SEMA4D: variants seen among roughly 807,000 people sequenced by gnomAD.
SEMA4D encodes the protein semaphorin 4D.
Under a neutral mutation model 74.8 loss-of-function variants are expected in SEMA4D, and 22 were observed. The ratio of observed to expected loss-of-function variants is 0.29; its 90% CI spans 0.21 to 0.42. SEMA4D has a LOEUF of 0.42. Ranked by LOEUF, SEMA4D falls within the 10% of genes least tolerant of loss-of-function variation. The pLI is 1.00. For missense variants in SEMA4D, 937 were observed against 1,118.4 expected (o/e 0.84, Z 2.31); for synonymous variants, 445 against 463.7 (o/e 0.96, Z 0.52).
chr9:89,465,265 C>T (rs893175598), intron 1 of SEMA4D, among the ~76,000 whole-genome samples: 1 of 152,144 alleles, frequency 6.6e-6, no homozygotes, highest in African/African-American at 2.4e-5. Flanking sequence ...GGCCTAAGTC[C>T]CCAGGAAACC....
rs200641127 is a variant in SEMA4D, at chr9:89,453,654, A to AC, written c.-244+2233dup. 5.4e-3 allele frequency among the ~76,000 whole-genome samples: 815 copies of AC among 152,260 alleles called. 9 individuals carry two copies. Among genetic ancestry groups the AC allele is most frequent in the African/African-American group, 0.018 (737 of 41,538 alleles). On this transcript the variant is annotated intron_variant, in intron 2 of 15. Transcript: ENST00000422704. ...CTCGCTGGGTGGACACACAGCCCTGACGGTCAGGTTCCTGTGGTGGCCGTG... is the reference window on the plus strand; with the variant it reads ...CTCGCTGGGTGGACACACAGCCCTGACCGGTCAGGTTCCTGTGGTGGCCGTG...
intron 2 of SEMA4D, among the ~76,000 whole-genome samples, chr9:89,423,444 C>A (rs895087665): frequency 6.6e-6 from 1 of 152,140 alleles, no homozygotes; most frequent in African/African-American, 2.4e-5. Flanking sequence ...TCCACCTCGG[C>A]CTCTCAAAGT....
At chr9:89,396,495 C>A (rs548154506) in intron 6 of SEMA4D, among the ~76,000 whole-genome samples, 2 of 152,260 alleles carry the variant, frequency 1.3e-5, no homozygotes, top group Non-Finnish European at 2.9e-5. Context: ...AGCTGCACCC[C>A]AGGCCTCACC....
chr9:89,372,217 G>A (rs1247136443), intron 16 of SEMA4D, among the ~76,000 whole-genome samples: 1 of 102,176 alleles, frequency 9.8e-6, no homozygotes, highest in African/African-American at 4.0e-5. Flanking sequence ...TGTCTGGGGG[G>A]TGTGGTGTGT....
chr9:89,410,175 G>A (rs1296915428), intron 2 of SEMA4D, among the ~76,000 whole-genome samples: 2 of 152,218 alleles, frequency 1.3e-5, no homozygotes, highest in African/African-American at 4.8e-5. Context: ...TGATGCCGCT[G>A]AACTGGGGAG....
chr9:89,443,740 G>A (rs1227816546), intron 2 of SEMA4D, among the ~76,000 whole-genome samples: 1 of 152,230 alleles, frequency 6.6e-6, no homozygotes, highest in African/African-American at 2.4e-5. Flanking sequence ...TCCACAGCAT[G>A]GGTGGGGCTG....
chr9:89,385,101 G>A (rs1277019991), intron 13 of SEMA4D: 31 of 964,734 alleles, frequency 3.2e-5, no homozygotes, highest in Non-Finnish European at 3.7e-5. Context: ...GCCCTGGTGT[G>A]GCCATGTGAC....
intron 2 of SEMA4D, among the ~76,000 whole-genome samples, chr9:89,431,869 G>A (rs1849342539): frequency 1.3e-5 from 2 of 152,124 alleles, no homozygotes; most frequent in Admixed American, 1.3e-4. Flanking sequence ...GCACATTCCC[G>A]CCTCCTCAAG....
At chr9:89,415,389 C>A (rs565890146) in intron 2 of SEMA4D, among the ~76,000 whole-genome samples, 5 of 152,140 alleles carry the variant, frequency 3.3e-5, no homozygotes, top group Non-Finnish European at 7.4e-5. Flanking sequence ...GTTAACCCTG[C>A]GGCCCTAAAG....
downstream of SEMA4D, chr9:89,377,124 A>T: frequency 2.7e-6 from 4 of 1,464,338 alleles, no homozygotes; most frequent in South Asian, 4.3e-5. Context: ...CAGGCCAGAG[A>T]GGGCAAAACA....
At chr9:89,371,761 TGTGG>T (rs1834910349) in intron 16 of SEMA4D, among the ~76,000 whole-genome samples, 2 of 69,328 alleles carry the variant, frequency 2.9e-5, no homozygotes, top group Admixed American at 1.8e-4. Context: ...GTGGTGTGTG[TGTGG>T]GGGGTGTGGT....
intron 2 of SEMA4D, chr9:89,450,692 TC>T: frequency 1.7e-6 from 1 of 582,836 alleles, no homozygotes; most frequent in Non-Finnish European, 2.8e-6. Context: ...AAAAAAGGCC[TC>T]CAAGACTGCA....
At chr9:89,389,143 C>T (rs537721490) in intron 9 of SEMA4D, 96 bp from the exon 10 acceptor site, 17 of 1,322,232 alleles carry the variant, frequency 1.3e-5, no homozygotes, top group African/African-American at 5.8e-5. Context: ...CCCAGCACAG[C>T]GCGGCTGTGC....
chr9:89,366,302 T>G (rs1445154976), intron 16 of SEMA4D, among the ~76,000 whole-genome samples: 1 of 152,216 alleles, frequency 6.6e-6, no homozygotes, highest in Non-Finnish European at 1.5e-5. Flanking sequence ...TGTTTAAATT[T>G]TTTCTTTATA....
At chr9:89,371,462 T>TA (rs1834761588) in intron 16 of SEMA4D, among the ~76,000 whole-genome samples, 1 of 84,524 alleles carries the variant, frequency 1.2e-5, no homozygotes, top group African/African-American at 4.6e-5. Flanking sequence ...GTCTGGGGTG[T>TA]GTGTGTGGGG....
Position 89,379,138 on chromosome 9 carries a change from G to T in SEMA4D, c.2155C>A (p.Gln719Lys). 2 of 1,614,202 alleles carry T rather than the reference G, an allele frequency of 1.2e-6. No individual in the cohort carries two copies. The highest frequency in any genetic ancestry group is 1.7e-6 in the Non-Finnish European group (2 of 1,180,044). ...TACATGGTTTTCTCCGAGTGGAGCT[G>T]GGGGACCGTGTTGATGACGATCTTT... ...EPKIVINTVPQLHSEKTMYLK... is the reference protein window; with the variant it reads ...EPKIVINTVPKLHSEKTMYLK... The change falls in exon 16 of 16, where the codon CAG becomes AAG. Residue 719 changes from glutamine (Q) to lysine (K), a missense_variant. By Grantham distance (53) the Gln-to-Lys change is moderately conservative. Transcript: ENST00000422704.
chr9:89,365,297 G>A (rs1315596176), intron 16 of SEMA4D: 1 of 152,374 alleles, frequency 6.6e-6, no homozygotes, highest in African/African-American at 2.4e-5. Context: ...TGGGGCTGGG[G>A]AGGCCGGCCA....
intron 13 of SEMA4D, among the ~76,000 whole-genome samples, chr9:89,384,289 G>A (rs116938518): frequency 1.5e-3 from 236 of 152,284 alleles, no homozygotes; most frequent in Non-Finnish European, 2.6e-3. Flanking sequence ...CACAAAATGC[G>A]GTATTCACAT....
intron 2 of SEMA4D, among the ~76,000 whole-genome samples, chr9:89,408,149 T>G (rs1843711265): frequency 6.6e-6 from 1 of 152,266 alleles, no homozygotes; most frequent in Admixed American, 6.5e-5. Context: ...GTGAGAATTA[T>G]CTGCTAAATC....
Sources: gnomAD v4.1 joint callset for allele counts (sites outside exome capture counted in the v4.1 genomes callset) on GRCh38, gnomAD v4.1.1 for gene constraint, MANE v1.5 for transcripts, NCBI Gene and HGNC (gene_info 2026-07-23, HGNC 2026-07-21) for gene names.